The following SGSM1 variants were observed in gnomAD, a reference collection of about 807,000 sequenced individuals.
SGSM1 encodes small G protein signaling modulator 1, also known as RUN and TBC1 domain containing 2.
A neutral mutation model predicts 133.8 loss-of-function variants in SGSM1; 73 were observed. That is an observed-to-expected ratio of 0.55 (90% confidence interval 0.45 to 0.66). The LOEUF is 0.66. SGSM1 is among the 30% of genes least tolerant of loss of function. The probability of loss-of-function intolerance (pLI) is 0.00; values close to 1 mark genes in which losing one functional copy is unlikely to be tolerated. For synonymous variants in SGSM1, 563 were observed against 573.0 expected, an observed-to-expected ratio of 0.98 and a Z score of 0.25; for missense variants, 1,213 against 1,448.1, an observed-to-expected ratio of 0.84 and a Z score of 2.64.
intron 2 of SGSM1, among the ~76,000 whole-genome samples, chr22:24,836,776 GTTGT>G (rs1255819154): frequency 2.0e-5 from 3 of 152,190 alleles, no homozygotes; most frequent in Non-Finnish European, 2.9e-5. Flanking sequence ...TTTGAATTCA[GTTGT>G]TTGTTGTTGA....
Position 24,879,515 on chromosome 22 carries a change from C to G in SGSM1, c.1484C>G (p.Ala495Gly). ...DNMKYQILSR[A>G]FYGWLAYCRH... ...ATGAAGTACCAGATCCTCTCCAGAG[C>G]CTTCTATGGATGTACGTATAGGGCT... is the stretch of plus-strand genomic sequence containing the variant. Residue 495 changes from alanine to glycine, a missense_variant, in exon 14 of 25, where the codon GCC becomes GGC. Transcript: ENST00000400358. 1 of 1,613,610 alleles carries G rather than the reference C, an allele frequency of 6.2e-7. No individual in the cohort carries two copies. The highest frequency in any genetic ancestry group is 8.5e-7 in the Non-Finnish European group (1 of 1,179,770).
chr22:24,820,415 T>C (rs1301082009), intron 2 of SGSM1, among the ~76,000 whole-genome samples: 1 of 152,174 alleles, frequency 6.6e-6, no homozygotes, highest in African/African-American at 2.4e-5. Context: ...CAGTGAACGA[T>C]TAACTCGGGC....
chr22:24,832,125 T>TCATCTGATCCCTAGATCTGGGTC, intron 2 of SGSM1, among the ~76,000 whole-genome samples: 1 of 152,206 alleles, frequency 6.6e-6, no homozygotes, highest in African/African-American at 2.4e-5. Context: ...TTTGATGAGT[T>TCATCTGATCCCTAGATCTGGGTC]AGTTCATCTG....
chr22:24,877,936 G>A (rs554932902), intron 13 of SGSM1, among the ~76,000 whole-genome samples: 2 of 145,554 alleles, frequency 1.4e-5, no homozygotes, highest in East Asian at 2.1e-4. Flanking sequence ...TCAGCCTCCC[G>A]AGTAGCTGGG....
chr22:24,911,384 C>CA (rs1190232556), intron 21 of SGSM1, among the ~76,000 whole-genome samples: 1 of 150,348 alleles, frequency 6.7e-6, no homozygotes, highest in African/African-American at 2.4e-5. Context: ...CTCCGCCTCC[C>CA]AGGTTCAAGC....
intron 5 of SGSM1, among the ~76,000 whole-genome samples, chr22:24,853,769 A>ATTTTTT (rs57736929): frequency 4.1e-5 from 5 of 123,436 alleles, no homozygotes; most frequent in East Asian, 2.3e-4. Flanking sequence ...CGCCTGGTGA[A>ATTTTTT]TTTTTTTTTT....
intron 2 of SGSM1, among the ~76,000 whole-genome samples, chr22:24,838,045 T>G (rs1929569554): frequency 6.6e-6 from 1 of 152,254 alleles, no homozygotes; most frequent in Non-Finnish European, 1.5e-5. Context: ...CTCCGTTTTC[T>G]TGTATGATTT....
At chr22:24,880,877 T>G (rs978836490) in intron 14 of SGSM1, among the ~76,000 whole-genome samples, 4 of 152,156 alleles carry the variant, frequency 2.6e-5, no homozygotes, top group Non-Finnish European at 5.9e-5. Flanking sequence ...GGTTTGTACC[T>G]CAGTTTACCC....
At position 24,895,310 on chromosome 22, in the gene SGSM1, C is replaced by A; in HGVS notation, c.2022+19C>A. On this transcript the variant is annotated intron_variant, in intron 18 of 24. Transcript: ENST00000400358. Reference sequence around the variant, plus strand: ...CACACAGGTGACCTTGTGGAGGCCTCGCCCCCTCCCACCCACTCCTCTCCC... The same window carrying A: ...CACACAGGTGACCTTGTGGAGGCCTAGCCCCCTCCCACCCACTCCTCTCCC... The A allele has an allele frequency of 6.2e-7, 1 of 1,603,922 alleles. No homozygotes were observed. The highest frequency in any genetic ancestry group is 8.5e-7 in the Non-Finnish European group (1 of 1,175,492).
chr22:24,850,151 A>G (rs995893224), intron 4 of SGSM1, 129 bp from the exon 5 acceptor site: 2 of 953,148 alleles, frequency 2.1e-6, no homozygotes, highest in Middle Eastern at 2.2e-4. Context: ...TAGCGGCAAT[A>G]TGGGCTCTTC....
intron 2 of SGSM1, among the ~76,000 whole-genome samples, chr22:24,825,376 T>G (rs1928739046): frequency 6.6e-6 from 1 of 152,148 alleles, no homozygotes; most frequent in Non-Finnish European, 1.5e-5. Flanking sequence ...GAGGGACCCT[T>G]GAGTCACCCC....
chr22:24,843,243 G>A (rs1280787329), intron 2 of SGSM1, among the ~76,000 whole-genome samples: 1 of 151,876 alleles, frequency 6.6e-6, no homozygotes, highest in East Asian at 1.9e-4. Context: ...ATCAGGAGCT[G>A]TTCACAGCGC....
chr22:24,854,644 T>A (rs1345614433), intron 5 of SGSM1, among the ~76,000 whole-genome samples: 1 of 152,090 alleles, frequency 6.6e-6, no homozygotes, highest in African/African-American at 2.4e-5. Context: ...AGACCCTATA[T>A]CTACCAAAAA....
intron 2 of SGSM1, among the ~76,000 whole-genome samples, chr22:24,832,339 T>C (rs532509926): frequency 1.3e-5 from 2 of 152,320 alleles, no homozygotes; most frequent in Non-Finnish European, 2.9e-5. Context: ...CGGGCACATA[T>C]AGATAAGAGG....
intron 2 of SGSM1, among the ~76,000 whole-genome samples, chr22:24,830,471 CAG>C (rs1929053498): frequency 6.6e-6 from 1 of 152,184 alleles, no homozygotes; most frequent in Admixed American, 6.5e-5. Flanking sequence ...GGACTTGAGA[CAG>C]TGTGTGAATA....
At chr22:24,899,688 A>T (rs1375113193) in intron 19 of SGSM1, among the ~76,000 whole-genome samples, 2 of 151,590 alleles carry the variant, frequency 1.3e-5, no homozygotes. Flanking sequence ...CGCCCGGCTA[A>T]TTTTTTGTGT....
intron 13 of SGSM1, among the ~76,000 whole-genome samples, chr22:24,877,802 C>CTTTTTTTTTTTTTTTTTT (rs36036968): frequency 1.3e-5 from 1 of 75,450 alleles, no homozygotes; most frequent in African/African-American, 5.3e-5. Context: ...TTCTTTCTTT[C>CTTTTTTTTTTTTTTTTTT]TTTTTTTTTT....
rs530611107 is a variant in SGSM1 at position 24,856,908 on chromosome 22, A to G, written c.801+1228A>G. ...CTCAGCCTCCCAAGTAACTGGGACT[A>G]CAGATGCCCGCCACCACGCCCAGCT... On this transcript the variant is annotated intron_variant, in intron 8 of 24. Coordinates refer to ENST00000400358, the MANE Select transcript of SGSM1 (RefSeq NM_001098497.3). Among the ~76,000 whole-genome samples, 53 of 151,666 alleles carry G rather than the reference A, an allele frequency of 3.5e-4. No homozygotes were observed. In the South Asian group the frequency reaches 9.2e-3, roughly 26 times the overall value.
intron 19 of SGSM1, 49 bp from the exon 20 acceptor site, chr22:24,901,784 A>G (rs200218092): frequency 2.6e-5 from 41 of 1,596,486 alleles, no homozygotes; most frequent in Non-Finnish European, 3.3e-5. Context: ...GGGGACTTAG[A>G]TGTGATTTTT....
Sources: gnomAD v4.1 joint callset for allele counts (sites outside exome capture counted in the v4.1 genomes callset) on GRCh38, gnomAD v4.1.1 for gene constraint, MANE v1.5 for transcripts, NCBI Gene and HGNC (gene_info 2026-07-23, HGNC 2026-07-21) for gene names.